Variants in DLG2 observed in about 807,000 individuals in gnomAD.
DLG2 encodes disks large homolog 2.
In DLG2, 45 loss-of-function variants were observed where a neutral mutation model predicts 132.5. The ratio of observed to expected loss-of-function variants is 0.34; its 90% CI spans 0.27 to 0.44. The LOEUF (loss-of-function observed/expected upper bound fraction) is 0.44, where lower values mean the gene tolerates loss of function less well. DLG2 is among the 20% of genes least tolerant of loss of function. The pLI, the probability that DLG2 is intolerant of heterozygous loss-of-function variation, is 1.00. For missense variants in DLG2, 1,045 were observed against 1,196.9 expected (o/e 0.87, Z 1.87); for synonymous variants, 424 against 419.6 (o/e 1.01, Z -0.13).
At chr11:84,463,871 A>G (rs887108462) in intron 7 of DLG2, among the ~76,000 whole-genome samples, 8 of 151,080 alleles carry the variant, frequency 5.3e-5, no homozygotes, top group African/African-American at 1.5e-4. Context: ...GACCTATTAT[A>G]CTCTTTTCTT....
chr11:83,871,891 TC>T (rs2154064584), intron 16 of DLG2, among the ~76,000 whole-genome samples: 1 of 152,332 alleles, frequency 6.6e-6, no homozygotes, highest in East Asian at 1.9e-4. Context: ...TTGTTTTTTT[TC>T]AGAACACTTA....
At chr11:83,883,772 A>G (rs949647377) in intron 15 of DLG2, among the ~76,000 whole-genome samples, 10 of 152,020 alleles carry the variant, frequency 6.6e-5, no homozygotes, top group African/African-American at 2.4e-4. Context: ...TCAGAAAGCA[A>G]TAAGGCACTT....
At chr11:84,772,432 T>C (rs930447990) in intron 6 of DLG2, among the ~76,000 whole-genome samples, 1 of 152,126 alleles carries the variant, frequency 6.6e-6, no homozygotes, top group Non-Finnish European at 1.5e-5. Flanking sequence ...AATTTGACAC[T>C]TGACAAGCTG....
chr11:84,479,873 G>C (rs766121953), intron 7 of DLG2, among the ~76,000 whole-genome samples: 4 of 152,060 alleles, frequency 2.6e-5, no homozygotes, highest in Admixed American at 6.6e-5. Context: ...TTGCCATAAA[G>C]AGAAGCAATT....
chr11:84,994,937 CT>C, intron 6 of DLG2, among the ~76,000 whole-genome samples: 2 of 152,090 alleles, frequency 1.3e-5, no homozygotes, highest in Non-Finnish European at 2.9e-5. Flanking sequence ...CCTCTGGAGT[CT>C]TGGGGTGTGT....
intron 18 of DLG2, among the ~76,000 whole-genome samples, chr11:83,703,466 A>T (rs906018893): frequency 6.6e-6 from 1 of 152,168 alleles, no homozygotes; most frequent in Non-Finnish European, 1.5e-5. Flanking sequence ...CCTGACCAAC[A>T]TGGAGAAACC....
chr11:85,181,979 T>A (rs185535452), intron 4 of DLG2, among the ~76,000 whole-genome samples: 31 of 152,030 alleles, frequency 2.0e-4, no homozygotes, highest in African/African-American at 6.7e-4. Flanking sequence ...ATTTGCCTCA[T>A]CTTTGTGATG....
chr11:85,177,282 C>CAT (rs1225799043), intron 4 of DLG2, among the ~76,000 whole-genome samples: 77 of 131,986 alleles, frequency 5.8e-4, no homozygotes, highest in Non-Finnish European at 5.4e-4. Flanking sequence ...TATATATATA[C>CAT]ATATACACAC....
intron 19 of DLG2, among the ~76,000 whole-genome samples, chr11:83,573,832 C>A (rs930738796): frequency 6.6e-6 from 1 of 152,076 alleles, no homozygotes; most frequent in Non-Finnish European, 1.5e-5. Context: ...GTGGTTCAGT[C>A]CTGGAGAAGC....
chr11:83,477,220 C>T (rs1399609998), intron 22 of DLG2, among the ~76,000 whole-genome samples: 1 of 152,060 alleles, frequency 6.6e-6, no homozygotes, highest in African/African-American at 2.4e-5. Flanking sequence ...CTAGTATTTA[C>T]CACCTCCTAA....
At chr11:85,158,860 C>A (rs2077806411) in intron 4 of DLG2, among the ~76,000 whole-genome samples, 2 of 152,078 alleles carry the variant, frequency 1.3e-5, no homozygotes. Context: ...TTAATGTATA[C>A]AAGCAGAAAA....
Position 83,457,820 on chromosome 11 carries a change from GTC to G in DLG2, c.*1996_*1997del, listed in dbSNP as rs1326298668. The G allele has an allele frequency of 6.6e-6, 1 of 152,618 alleles. No homozygotes were observed. The highest frequency in any genetic ancestry group is 2.4e-5 in the African/African-American group (1 of 41,446). 9.5% of individuals were successfully genotyped at this position (152,618 alleles called of 1,614,324 possible). ...TTAACATTTTGAGCAATCTAAGGAA[GTC>G]TCTGGAAATTTAACTTTCATGAGAG... On this transcript the variant is annotated 3_prime_UTR_variant, in exon 28 of 28. Coordinates refer to ENST00000376104, the MANE Select transcript of DLG2 (RefSeq NM_001142699.3).
chr11:85,367,683 T>C (rs1047752202), intron 3 of DLG2, among the ~76,000 whole-genome samples: 3 of 152,122 alleles, frequency 2.0e-5, no homozygotes, highest in Non-Finnish European at 4.4e-5. Context: ...AAATACTTCA[T>C]GGGAATTTTG....
chr11:83,969,936 C>T (rs2090998386), intron 12 of DLG2, among the ~76,000 whole-genome samples: 2 of 130,670 alleles, frequency 1.5e-5, no homozygotes, highest in South Asian at 4.7e-4. Context: ...GGTGTTTCCT[C>T]TAAAAAAAAA....
intron 5 of DLG2, among the ~76,000 whole-genome samples, chr11:85,153,223 C>A (rs1315099780): frequency 2.0e-5 from 3 of 152,190 alleles, no homozygotes; most frequent in Non-Finnish European, 4.4e-5. Flanking sequence ...TGGTCTCTGA[C>A]TTTGGATCTT....
intron 5 of DLG2, among the ~76,000 whole-genome samples, chr11:85,130,475 AT>A (rs1191240813): frequency 6.6e-6 from 1 of 152,166 alleles, no homozygotes; most frequent in South Asian, 2.1e-4. Context: ...CAAAAATGCT[AT>A]TACCAATGGA....
chr11:83,624,817 G>C (rs1730157777), intron 19 of DLG2, among the ~76,000 whole-genome samples: 1 of 152,150 alleles, frequency 6.6e-6, no homozygotes, highest in Non-Finnish European at 1.5e-5. Flanking sequence ...GAGGAAATCA[G>C]TACAAAGTAT....
At chr11:84,368,559 A>G (rs898493254) in intron 7 of DLG2, among the ~76,000 whole-genome samples, 14 of 152,116 alleles carry the variant, frequency 9.2e-5, no homozygotes, top group Admixed American at 9.2e-4. Flanking sequence ...AAGATCACGT[A>G]TTTGGTGTTA....
At chr11:85,442,109 G>T (rs1257179725) in intron 3 of DLG2, among the ~76,000 whole-genome samples, 7 of 152,154 alleles carry the variant, frequency 4.6e-5, no homozygotes, top group African/African-American at 1.4e-4. Context: ...AAGTCGGAAA[G>T]CTCCATAGAG....
Sources: gnomAD v4.1 joint callset for allele counts (sites outside exome capture counted in the v4.1 genomes callset) on GRCh38, gnomAD v4.1.1 for gene constraint, MANE v1.5 for transcripts, NCBI Gene and HGNC (gene_info 2026-07-23, HGNC 2026-07-21) for gene names.